COL14A1: variants seen among roughly 807,000 people sequenced by gnomAD.
The protein encoded by COL14A1 is collagen alpha-1(XIV) chain.
Under a neutral mutation model 230.3 loss-of-function variants are expected in COL14A1, and 136 were observed. The ratio of observed to expected loss-of-function variants is 0.59; its 90% CI spans 0.51 to 0.68. The LOEUF (loss-of-function observed/expected upper bound fraction) is 0.68. COL14A1 is among the 30% of genes least tolerant of loss of function. The pLI is 0.00. For missense variants in COL14A1, 1,976 were observed against 2,215.8 expected (o/e 0.89, Z 2.17); for synonymous variants, 792 against 784.1 (o/e 1.01, Z -0.17).
chr8:120,251,163 T>C (rs1818936049), intron 22 of COL14A1, among the ~76,000 whole-genome samples: 1 of 152,186 alleles, frequency 6.6e-6, no homozygotes, highest in East Asian at 1.9e-4. Flanking sequence ...GCATTGCCCT[T>C]TCTGGATGGT....
At chr8:120,261,863 G>A (rs372551644) in intron 23 of COL14A1, among the ~76,000 whole-genome samples, 17 of 152,266 alleles carry the variant, frequency 1.1e-4, no homozygotes, top group African/African-American at 3.8e-4. Context: ...CCCTGGGAAT[G>A]TCTTTTGCAA....
chr8:120,258,254 A>G (rs1819219310), intron 23 of COL14A1, among the ~76,000 whole-genome samples: 1 of 152,138 alleles, frequency 6.6e-6, no homozygotes, highest in Non-Finnish European at 1.5e-5. Context: ...CTTCATTTTC[A>G]ACCAGGCTCA....
chr8:120,250,932 C>T (rs1430049371), intron 22 of COL14A1, among the ~76,000 whole-genome samples, 166 bp downstream of exon 22: 10 of 152,156 alleles, frequency 6.6e-5, no homozygotes, highest in African/African-American at 1.4e-4. Flanking sequence ...CTCAGCCTCT[C>T]GAGTAGCTGG....
chr8:120,147,911 C>T lies in COL14A1; in HGVS notation c.69C>T (p.Cys23=), dbSNP rs759373149. ...CTTTTTTGGCAATTGTTTATTTCTG[C>T]ACCATTGTCCAAGGTCAAGGTAATT... ...LPPFLAIVYF[C]TIVQGQVAPP... is the part of the protein sequence containing the mutation. Residue 23 remains cysteine (C), a synonymous_variant, in exon 2 of 48, where the codon TGC becomes TGT. Coordinates refer to ENST00000297848, the MANE Select transcript of COL14A1 (RefSeq NM_021110.4). 2.5e-6 allele frequency: 4 copies of T among 1,613,290 alleles called. No individual in the cohort carries two copies. The African/African-American group carries it at 5.3e-5, about 22-fold the overall frequency.
intron 45 of COL14A1, among the ~76,000 whole-genome samples, chr8:120,348,931 G>T (rs1822641350): frequency 6.6e-6 from 1 of 152,168 alleles, no homozygotes; most frequent in Non-Finnish European, 1.5e-5. Context: ...AAAGAACGAG[G>T]AGAGACCTTG....
intron 14 of COL14A1, among the ~76,000 whole-genome samples, chr8:120,217,972 A>G (rs1260394869): frequency 1.4e-5 from 2 of 142,494 alleles, no homozygotes; most frequent in African/African-American, 5.1e-5. Context: ...TATAATTTAA[A>G]TATATAATAT....
At chr8:120,151,721 G>A (rs1312954328) in intron 2 of COL14A1, among the ~76,000 whole-genome samples, 1 of 150,986 alleles carries the variant, frequency 6.6e-6, no homozygotes, top group African/African-American at 2.4e-5. Context: ...ATAATCTTCA[G>A]AACTAGTGAA....
Position 120,139,911 on chromosome 8 carries a change from C to T in COL14A1, c.-37-7895C>T, listed in dbSNP as rs1368493692. On this transcript the variant is annotated intron_variant, in intron 1 of 47. Transcript: ENST00000297848. ...AGTGAGGTGGCATGGGACTGTAGTC[C>T]CAGCTACTCAGGAGGCTGAGGCAGG... is the stretch of plus-strand genomic sequence containing the variant. 2.6e-5 allele frequency among the ~76,000 whole-genome samples: 4 copies of T among 151,890 alleles called. No individual in the cohort carries two copies. The East Asian group carries it at 7.7e-4, about 29-fold the overall frequency.
intron 4 of COL14A1, 47 bp from the exon 5 acceptor site, chr8:120,168,114 T>C: frequency 7.6e-7 from 1 of 1,322,960 alleles, no homozygotes; most frequent in East Asian, 2.3e-5. Context: ...AATATTTTCT[T>C]TTAGATTTTA....
chr8:120,312,507 C>G, intron 37 of COL14A1, among the ~76,000 whole-genome samples: 1 of 152,190 alleles, frequency 6.6e-6, no homozygotes, highest in East Asian at 1.9e-4. Context: ...TCTTCAGCCT[C>G]TTCCTAATTC....
intron 35 of COL14A1, among the ~76,000 whole-genome samples, chr8:120,299,665 A>G (rs1248382239): frequency 6.6e-6 from 1 of 152,026 alleles, no homozygotes; most frequent in South Asian, 2.1e-4. Flanking sequence ...ACTTAACTTT[A>G]TGTTTCACTC....
In COL14A1 at chr8:120,189,485, T is replaced by C. The variant is rs186973937; in HGVS notation, c.437-7306T>C. ...TTAATTAAAATTTTTTTATTTATTT[T>C]ATTTTATTATTATTATACTTTAAGT... is the stretch of plus-strand genomic sequence containing the variant. On this transcript the variant is annotated intron_variant, in intron 5 of 47. Coordinates refer to ENST00000297848, the MANE Select transcript of COL14A1 (RefSeq NM_021110.4). Among the ~76,000 whole-genome samples, 564 of 151,838 alleles carry C rather than the reference T, an allele frequency of 3.7e-3. 2 individuals are homozygous for C. The highest frequency in any genetic ancestry group is 6.3e-3 in the Non-Finnish European group (431 of 67,902).
At chr8:120,148,212 A>T (rs1815162114) in intron 2 of COL14A1, among the ~76,000 whole-genome samples, 1 of 147,720 alleles carries the variant, frequency 6.8e-6, no homozygotes, top group Non-Finnish European at 1.5e-5. Context: ...GGCTCACTGC[A>T]ACCTCTACCT....
chr8:120,177,985 C>A (rs916978242), intron 5 of COL14A1, among the ~76,000 whole-genome samples: 33 of 151,884 alleles, frequency 2.2e-4, no homozygotes, highest in African/African-American at 8.0e-4. Context: ...AAGAAAAGGA[C>A]TTATTGAACC....
chr8:120,264,783 T>C (rs1366918983), intron 24 of COL14A1, among the ~76,000 whole-genome samples: 2 of 152,152 alleles, frequency 1.3e-5, no homozygotes, highest in Non-Finnish European at 2.9e-5. Flanking sequence ...AGACAGTGCA[T>C]GTGCGCTTAA....
chr8:120,258,423 G>A (rs564480048), intron 23 of COL14A1, among the ~76,000 whole-genome samples: 1 of 152,268 alleles, frequency 6.6e-6, no homozygotes, highest in African/African-American at 2.4e-5. Context: ...TTGAGTGCAA[G>A]GGCATGAAAT....
rs1818060163 is a variant in COL14A1 at position 120,225,265 on chromosome 8, A to G, written c.1864+51A>G. 4 of 1,549,216 alleles carry G rather than the reference A, an allele frequency of 2.6e-6. No individual in the cohort carries two copies. The Admixed American group carries it at 8.0e-5, about 31-fold the overall frequency. ...AAGTTTTGAGAGTAGCTATTAATATATAGAAACCAGAACCTGGAGCACCTT... is the reference window on the plus strand; with the variant it reads ...AAGTTTTGAGAGTAGCTATTAATATGTAGAAACCAGAACCTGGAGCACCTT... On this transcript the variant is annotated intron_variant, in intron 15 of 47. Transcript: ENST00000297848.
chr8:120,228,953 A>G (rs1818175944), intron 18 of COL14A1, among the ~76,000 whole-genome samples, 184 bp downstream of exon 18: 1 of 151,986 alleles, frequency 6.6e-6, no homozygotes, highest in Admixed American at 6.6e-5. Context: ...CTAAATGCCC[A>G]TGGATCTCCT....
In COL14A1 at chr8:120,251,720, A is replaced by G. The variant is rs562110737; in HGVS notation, c.2752+954A>G. ...TAGTTACCCTAAACAGAAAATCAGT[A>G]TTTTTATTTTTTAATATATTAAAAA... is the stretch of plus-strand genomic sequence containing the variant. On this transcript the variant is annotated intron_variant, in intron 22 of 47. Coordinates refer to ENST00000297848, the MANE Select transcript of COL14A1 (RefSeq NM_021110.4). Among the ~76,000 whole-genome samples the G allele has an allele frequency of 9.2e-5, 14 of 152,200 alleles. No homozygotes were observed. The South Asian group carries it at 1.9e-3, about 20-fold the overall frequency.
Sources: gnomAD v4.1 joint callset for allele counts (sites outside exome capture counted in the v4.1 genomes callset) on GRCh38, gnomAD v4.1.1 for gene constraint, MANE v1.5 for transcripts, NCBI Gene and HGNC (gene_info 2026-07-23, HGNC 2026-07-21) for gene names.